WDFY2: variants seen among roughly 807,000 people sequenced by gnomAD.
The protein encoded by WDFY2 is WD repeat and FYVE domain containing 2.
A neutral mutation model predicts 56.4 loss-of-function variants in WDFY2; 36 were observed. The ratio of observed to expected loss-of-function variants is 0.64; its 90% CI spans 0.49 to 0.84. The LOEUF (loss-of-function observed/expected upper bound fraction) is 0.84, where lower values mean the gene tolerates loss of function less well. Ranked by LOEUF, WDFY2 falls within the 40% of genes least tolerant of loss-of-function variation. The pLI, the probability that WDFY2 is intolerant of heterozygous loss-of-function variation, is 0.00. For missense variants in WDFY2, 444 were observed against 512.2 expected (o/e 0.87, Z 1.29); for synonymous variants, 176 against 183.7 (o/e 0.96, Z 0.34).
intron 1 of WDFY2, chr13:51,590,234 A>G (rs375824840): frequency 6.6e-6 from 1 of 152,214 alleles, no homozygotes. Context: ...AAATCTTGAA[A>G]TCCTGACCAG....
chr13:51,747,308 G>T lies in WDFY2; in HGVS notation c.726-4002G>T, dbSNP rs544916905. Reference sequence around the variant, plus strand: ...AACTCTTTCCTAAGAATTGTGATCAGTATTTCCCCAAGGGTAAAAACATAT... The same window carrying T: ...AACTCTTTCCTAAGAATTGTGATCATTATTTCCCCAAGGGTAAAAACATAT... On this transcript the variant is annotated intron_variant, in intron 7 of 11. Transcript: ENST00000298125. 2.6e-5 allele frequency among the ~76,000 whole-genome samples: 4 copies of T among 152,330 alleles called. No homozygotes were observed. The South Asian group carries it at 6.2e-4, about 24-fold the overall frequency.
At chr13:51,750,512 T>A (rs1953206713) in intron 7 of WDFY2, among the ~76,000 whole-genome samples, 1 of 147,704 alleles carries the variant, frequency 6.8e-6, no homozygotes, top group African/African-American at 2.5e-5. Flanking sequence ...TCTTCATTGA[T>A]TTGAGCTCAA....
At chr13:51,709,175 G>A (rs1473147924) in intron 4 of WDFY2, among the ~76,000 whole-genome samples, 1 of 152,184 alleles carries the variant, frequency 6.6e-6, no homozygotes, top group African/African-American at 2.4e-5. Flanking sequence ...ATTGACATCT[G>A]TAGAACATTC....
Position 51,635,006 on chromosome 13 carries a change from T to G in WDFY2, c.138-25590T>G, listed in dbSNP as rs1955018345. ...CAGGCTGGAGTGCAGTGGCACCACC[T>G]TGGCTCACTGCAACCTCTGCCTCCC... On this transcript the variant is annotated intron_variant, in intron 1 of 11. Coordinates refer to ENST00000298125, the MANE Select transcript of WDFY2 (RefSeq NM_052950.4). 2.0e-5 allele frequency among the ~76,000 whole-genome samples: 3 copies of G among 152,216 alleles called. No individual in the cohort carries two copies. In the South Asian group the frequency reaches 6.2e-4, roughly 32 times the overall value.
At chr13:51,708,479 T>C (rs191397113) in intron 4 of WDFY2, among the ~76,000 whole-genome samples, 1 of 151,714 alleles carries the variant, frequency 6.6e-6, no homozygotes, top group African/African-American at 2.4e-5. Flanking sequence ...ACCCTGTCTC[T>C]AAATAATAGA....
chr13:51,611,820 A>G (rs566762822), intron 1 of WDFY2, among the ~76,000 whole-genome samples: 1 of 152,278 alleles, frequency 6.6e-6, no homozygotes, highest in South Asian at 2.1e-4. Flanking sequence ...GGGAAAGGAA[A>G]GTTCACTCCC....
intron 1 of WDFY2, chr13:51,598,835 C>T (rs1254495340): frequency 1.3e-5 from 2 of 151,814 alleles, no homozygotes. Context: ...AGCAGGCTTT[C>T]CCCAGACAAA....
At chr13:51,710,066 G>A (rs558794064) in intron 4 of WDFY2, among the ~76,000 whole-genome samples, 1 of 152,300 alleles carries the variant, frequency 6.6e-6, no homozygotes, top group Non-Finnish European at 1.5e-5. Flanking sequence ...GAATCCAGCA[G>A]CATATCAAAA....
chr13:51,711,663 T>A (rs926339150), intron 4 of WDFY2, among the ~76,000 whole-genome samples: 11 of 152,158 alleles, frequency 7.2e-5, no homozygotes, highest in African/African-American at 2.7e-4. Flanking sequence ...AAGAAGACAT[T>A]TATGCAGCCA....
chr13:51,655,437 T>C (rs1015769880), intron 1 of WDFY2, among the ~76,000 whole-genome samples: 4 of 152,084 alleles, frequency 2.6e-5, no homozygotes, highest in African/African-American at 9.7e-5. Context: ...ATTTTCTGTG[T>C]CTGTTGAGGG....
intron 6 of WDFY2, among the ~76,000 whole-genome samples, 200 bp downstream of exon 6, chr13:51,727,990 A>G (rs949497167): frequency 6.6e-6 from 1 of 152,250 alleles, no homozygotes; most frequent in African/African-American, 2.4e-5. Context: ...TCCAAACAAA[A>G]GAGAAACCAA....
intron 1 of WDFY2, among the ~76,000 whole-genome samples, chr13:51,609,453 G>T (rs1954447649): frequency 1.3e-5 from 2 of 151,994 alleles, no homozygotes; most frequent in African/African-American, 4.8e-5. Context: ...GTAGATACAA[G>T]AACTAAAAAT....
chr13:51,733,099 G>A (rs1389350187), intron 6 of WDFY2, among the ~76,000 whole-genome samples: 16 of 152,152 alleles, frequency 1.1e-4, no homozygotes, highest in African/African-American at 3.4e-4. Flanking sequence ...GTAGTGGCAC[G>A]ATCTCAGCTC....
At chr13:51,704,169 C>A (rs1444375909) in intron 4 of WDFY2, among the ~76,000 whole-genome samples, 1 of 152,170 alleles carries the variant, frequency 6.6e-6, no homozygotes, top group Non-Finnish European at 1.5e-5. Flanking sequence ...ACTTAGAGGT[C>A]ATTTCCTCCA....
intron 5 of WDFY2, 59 bp downstream of exon 5, chr13:51,719,407 C>G: frequency 6.6e-7 from 1 of 1,504,466 alleles, no homozygotes; most frequent in Non-Finnish European, 8.9e-7. Context: ...CTCTTTGATT[C>G]ATGAAATTTT....
Position 51,709,681 on chromosome 13 carries a change from C to G in WDFY2, c.334+6031C>G, listed in dbSNP as rs530079948. On this transcript the variant is annotated intron_variant, in intron 4 of 11. Transcript: ENST00000298125. ...CCTCTATGCAAATAAACTAGAAAAT[C>G]TAGAAGAAATGGATACATTCCTGGA... Among the ~76,000 whole-genome samples the G allele has an allele frequency of 4.6e-5, 7 of 152,258 alleles. No individual in the cohort carries two copies. The East Asian group carries it at 1.4e-3, about 29-fold the overall frequency.
chr13:51,743,663 C>T (rs550563517), intron 7 of WDFY2, among the ~76,000 whole-genome samples: 61 of 152,250 alleles, frequency 4.0e-4, no homozygotes, highest in Middle Eastern at 3.4e-3. Context: ...ACATACCAGA[C>T]TTTGTGTTAG....
At chr13:51,655,360 A>G (rs1286101274) in intron 1 of WDFY2, among the ~76,000 whole-genome samples, 2 of 151,946 alleles carry the variant, frequency 1.3e-5, no homozygotes, top group African/African-American at 4.8e-5. Context: ...AGATTAAGGA[A>G]ATTTTCTTCT....
intron 8 of WDFY2, among the ~76,000 whole-genome samples, chr13:51,752,009 T>G (rs973194656): frequency 6.6e-6 from 1 of 152,200 alleles, no homozygotes; most frequent in Non-Finnish European, 1.5e-5. Flanking sequence ...GACAAGTACT[T>G]TGAAGTTAAC....
Sources: allele counts gnomAD v4.1 joint callset (sites outside exome capture counted in the v4.1 genomes callset), GRCh38; gene constraint gnomAD v4.1.1; transcripts MANE v1.5; gene names NCBI Gene and HGNC (gene_info 2026-07-23, HGNC 2026-07-21).